Variants in ITGAL observed in about 807,000 individuals in gnomAD.
ITGAL encodes the protein integrin subunit alpha L, also known as integrin alpha-L.
ITGAL carries 68 observed loss-of-function variants against 138.4 expected under a neutral mutation model. The ratio of observed to expected loss-of-function variants is 0.49; its 90% CI spans 0.40 to 0.60. ITGAL has a LOEUF of 0.60. Among genes scored for constraint, ITGAL ranks in the 20% least tolerant of loss-of-function variants. The pLI is 0.00. For synonymous variants in ITGAL, 561 were observed against 584.3 expected, an observed-to-expected ratio of 0.96 and a Z score of 0.57; for missense variants, 1,256 against 1,478.6, an observed-to-expected ratio of 0.85 and a Z score of 2.47.
At chr16:30,504,325 AGCC>A in intron 18 of ITGAL, 61 bp downstream of exon 18, 1 of 1,321,768 alleles carries the variant, frequency 7.6e-7, no homozygotes, top group Admixed American at 1.7e-5. Flanking sequence ...TGGCAAGAAG[AGCC>A]GCCCATGGCC....
At chr16:30,478,940 T>C in intron 4 of ITGAL, 151 bp from the exon 5 acceptor site, 1 of 658,614 alleles carries the variant, frequency 1.5e-6, no homozygotes, top group Non-Finnish European at 2.8e-6. Flanking sequence ...GTAGAGACTG[T>C]GGAGGCGGAC....
chr16:30,481,421 TCTTC>T lies in ITGAL; in HGVS notation c.577-10_577-7del. The stretch of plus-strand genomic sequence containing the variant: ...AAGGGATATATAACTGAATGTCATT[TCTTC>T]CTTCCTTTTCTAGTTTGCTGCTGTT... On this transcript the variant is annotated splice_polypyrimidine_tract_variant and intron_variant, in intron 6 of 30. Coordinates refer to ENST00000356798, the MANE Select transcript of ITGAL (RefSeq NM_002209.3). The T allele has an allele frequency of 6.3e-7, 1 of 1,599,960 alleles. No homozygotes were observed. The highest frequency in any genetic ancestry group is 1.7e-4 in the Middle Eastern group (1 of 6,042).
At chr16:30,478,947 G>C in intron 4 of ITGAL, 144 bp from the exon 5 acceptor site, 2 of 673,922 alleles carry the variant, frequency 3.0e-6, no homozygotes, top group South Asian at 3.5e-5. Context: ...CTGTGGAGGC[G>C]GACATTCCTT....
intron 2 of ITGAL, 77 bp downstream of exon 2, chr16:30,474,375 C>A: frequency 2.0e-6 from 2 of 1,016,370 alleles, no homozygotes; most frequent in Non-Finnish European, 3.0e-6. Flanking sequence ...CCTCCCCGAC[C>A]CTCGCCTGGG....
chr16:30,489,895 A>T (rs4572412), intron 11 of ITGAL, among the ~76,000 whole-genome samples: 1 of 151,556 alleles, frequency 6.6e-6, no homozygotes, highest in Non-Finnish European at 1.5e-5. Context: ...GAGATCACGC[A>T]GCTGCGCACC....
chr16:30,476,386 C>T lies in ITGAL; in HGVS notation c.327+806C>T, dbSNP rs79779130. On this transcript the variant is annotated intron_variant, in intron 4 of 30. Transcript: ENST00000356798. ...CTTCCAAATATGAAATATCTGTGAT[C>T]ATTGATATGCAATATGATTTTTAGT... 4.3e-3 allele frequency among the ~76,000 whole-genome samples: 659 copies of T among 152,074 alleles called. 6 individuals are homozygous for T. Among genetic ancestry groups the T allele is most frequent in the African/African-American group, 0.015 (635 of 41,494 alleles).
chr16:30,479,216 A>G lies in ITGAL; in HGVS notation c.445+8A>G, dbSNP rs747879407. On this transcript the variant is annotated splice_region_variant and intron_variant, in intron 5 of 30. Transcript: ENST00000356798. ...GGCGCCCTGGTTTTCAGGGTAAGGA[A>G]CTGGGGACTCATTGGGTAAAAATAC... is the stretch of plus-strand genomic sequence containing the variant. 6.2e-7 allele frequency: 1 copy of G among 1,613,808 alleles called. No individual in the cohort carries two copies. Among genetic ancestry groups the G allele is most frequent in the South Asian group, 1.1e-5 (1 of 91,074 alleles).
chr16:30,511,787 G>A (rs370422512), intron 24 of ITGAL, among the ~76,000 whole-genome samples: 25 of 152,202 alleles, frequency 1.6e-4, no homozygotes, highest in African/African-American at 4.6e-4. Context: ...CATGGGGATC[G>A]CTAGTTGGGT....
Position 30,501,725 on chromosome 16 carries a change from T to A in ITGAL, c.2145+2236T>A, listed in dbSNP as rs2050901883. 2.6e-5 allele frequency among the ~76,000 whole-genome samples: 4 copies of A among 152,024 alleles called. No individual in the cohort carries two copies. The South Asian group carries it at 8.3e-4, about 32-fold the overall frequency. On this transcript the variant is annotated intron_variant, in intron 17 of 30. Coordinates refer to ENST00000356798, the MANE Select transcript of ITGAL (RefSeq NM_002209.3). The stretch of plus-strand genomic sequence containing the variant: ...TAAATTAAGTCTCATGTATGGTACA[T>A]GGAAAAAAAAAGTTTTTAAAAAAGT...
At chr16:30,498,950 G>A in intron 15 of ITGAL, 124 bp from the exon 16 acceptor site, 1 of 724,196 alleles carries the variant, frequency 1.4e-6, no homozygotes, top group Non-Finnish European at 2.3e-6. Flanking sequence ...AGAGGAGACA[G>A]TGACATGTTG....
intron 11 of ITGAL, among the ~76,000 whole-genome samples, chr16:30,493,330 A>T (rs1397898626): frequency 6.7e-6 from 1 of 148,232 alleles, no homozygotes; most frequent in African/African-American, 2.5e-5. Flanking sequence ...CCCGGGCTGG[A>T]GTGTAGTAGC....
At chr16:30,478,812 T>C (rs995299115) in intron 4 of ITGAL, among the ~76,000 whole-genome samples, 2 of 151,912 alleles carry the variant, frequency 1.3e-5, no homozygotes, top group African/African-American at 4.8e-5. Context: ...AAGATGGACC[T>C]GGAAATGTGG....
intron 30 of ITGAL, among the ~76,000 whole-genome samples, chr16:30,520,216 G>A (rs916323461): frequency 3.9e-5 from 6 of 152,072 alleles, no homozygotes; most frequent in African/African-American, 9.7e-5. Context: ...GGTGGATCAC[G>A]TGAGCCTGGG....
chr16:30,512,244 C>CT (rs2051100982), intron 24 of ITGAL, among the ~76,000 whole-genome samples: 1 of 152,038 alleles, frequency 6.6e-6, no homozygotes, highest in Non-Finnish European at 1.5e-5. Context: ...GAGTTATGTC[C>CT]GTTTTTTGCT....
intron 15 of ITGAL, among the ~76,000 whole-genome samples, chr16:30,496,798 C>A (rs1376499963): frequency 7.6e-6 from 1 of 131,422 alleles, no homozygotes; most frequent in African/African-American, 2.9e-5. Flanking sequence ...CTCGCCACCA[C>A]ACCTGGCTAA....
chr16:30,494,153 G>C lies in ITGAL; in HGVS notation c.1214-59G>C. ...TCCCTGGGGCCCCTGCCCCTCTCCTGCTGGGTGTTCTTCCAGCATCCTGTG... is the reference window on the plus strand; with the variant it reads ...TCCCTGGGGCCCCTGCCCCTCTCCTCCTGGGTGTTCTTCCAGCATCCTGTG... On this transcript the variant is annotated intron_variant, in intron 11 of 30. Transcript: ENST00000356798. This position sits in a 1 kb window ranked among gnomAD's most constrained non-coding sequence, Gnocchi z 4.2. 6.7e-7 allele frequency: 1 copy of C among 1,482,028 alleles called. No homozygotes were observed. Among genetic ancestry groups the C allele is most frequent in the Non-Finnish European group, 9.2e-7 (1 of 1,091,696 alleles). The allele number at this position is 1,482,028 out of a possible 1,614,324, so 91.8% of individuals were successfully genotyped here. A position where few individuals can be genotyped will look rare whatever the true frequency, so the allele number is the denominator to read the frequency against.
At chr16:30,484,851 G>A (rs992657668) in intron 9 of ITGAL, among the ~76,000 whole-genome samples, 3 of 151,850 alleles carry the variant, frequency 2.0e-5, no homozygotes, top group Non-Finnish European at 2.9e-5. Context: ...CCCAGGAGGC[G>A]GAGGTTGTAG....
rs777801022 is a variant in ITGAL at position 30,496,201 on chromosome 16, G to A, written c.1608G>A (p.Leu536=). The change falls in exon 14 of 31, where the codon CTG becomes CTA. Residue 536 remains leucine (L), a synonymous_variant. Coordinates refer to ENST00000356798, the MANE Select transcript of ITGAL (RefSeq NM_002209.3). ...TALTDINGDG[L]VDVAVGAPLE... The stretch of plus-strand genomic sequence containing the variant: ...TGACAGACATCAACGGCGATGGGCT[G>A]GTAGACGTGGCTGTGGGGGCCCCTC... 8.1e-6 allele frequency: 13 copies of A among 1,613,802 alleles called. No individual in the cohort carries two copies. The highest frequency in any genetic ancestry group is 1.6e-4 in the Middle Eastern group (1 of 6,072).
chr16:30,492,298 T>G (rs2050734587), intron 11 of ITGAL, among the ~76,000 whole-genome samples: 1 of 151,084 alleles, frequency 6.6e-6, no homozygotes, highest in Non-Finnish European at 1.5e-5. Flanking sequence ...TCGCCCAGGC[T>G]GGAGTGAAGT....
Sources: allele counts gnomAD v4.1 joint callset (sites outside exome capture counted in the v4.1 genomes callset), GRCh38; gene constraint gnomAD v4.1.1; non-coding constraint Gnocchi (gnomAD v3.1); transcripts MANE v1.5; gene names NCBI Gene and HGNC (gene_info 2026-07-23, HGNC 2026-07-21).